Variants in LRMDA observed in about 807,000 individuals in gnomAD.
LRMDA encodes the protein leucine-rich melanocyte differentiation-associated protein.
Under a neutral mutation model 29.8 loss-of-function variants are expected in LRMDA, and 18 were observed. The ratio of observed to expected loss-of-function variants is 0.60; its 90% CI spans 0.42 to 0.90. The LOEUF is 0.90. Among genes scored for constraint, LRMDA ranks in the 40% least tolerant of loss-of-function variants. LRMDA has a pLI of 0.00. For synonymous variants in LRMDA, 125 were observed against 109.4 expected, an observed-to-expected ratio of 1.14 and a Z score of -0.89; for missense variants, 273 against 273.9, an observed-to-expected ratio of 1.00 and a Z score of 0.02.
At chr10:75,632,405 C>G (rs1443054527) in intron 2 of LRMDA, among the ~76,000 whole-genome samples, 1 of 152,138 alleles carries the variant, frequency 6.6e-6, no homozygotes, top group Non-Finnish European at 1.5e-5. Context: ...GTTGTGTTAT[C>G]TCTTTTTTCT....
intron 5 of LRMDA, among the ~76,000 whole-genome samples, chr10:76,115,338 A>G (rs947461374): frequency 6.6e-6 from 1 of 152,208 alleles, no homozygotes; most frequent in African/African-American, 2.4e-5. Flanking sequence ...TTCCCATTCA[A>G]TGCATTTTTG....
chr10:76,342,637 A>C (rs1589144090), intron 6 of LRMDA, among the ~76,000 whole-genome samples: 2 of 152,108 alleles, frequency 1.3e-5, no homozygotes, highest in East Asian at 3.9e-4. Context: ...AATAAAGAAA[A>C]TGCAAATATA....
At chr10:75,859,034 A>G (rs1388329367) in intron 2 of LRMDA, among the ~76,000 whole-genome samples, 1 of 152,262 alleles carries the variant, frequency 6.6e-6, no homozygotes, top group African/African-American at 2.4e-5. Flanking sequence ...TTTCATGTCA[A>G]TACATGTAAA....
At chr10:75,827,897 T>G (rs1844273905) in intron 2 of LRMDA, among the ~76,000 whole-genome samples, 1 of 152,236 alleles carries the variant, frequency 6.6e-6, no homozygotes, top group South Asian at 2.1e-4. Flanking sequence ...AGTGGGGCCT[T>G]AATTCCAGGA....
intron 2 of LRMDA, among the ~76,000 whole-genome samples, chr10:75,617,890 G>A (rs554898725): frequency 2.6e-5 from 4 of 152,288 alleles, no homozygotes; most frequent in South Asian, 2.1e-4. Flanking sequence ...GAGACCTGGC[G>A]CTACAGAAGA....
chr10:75,916,193 T>TGGGTGGGTGG (rs1554833958), intron 2 of LRMDA, among the ~76,000 whole-genome samples: 2 of 140,064 alleles, frequency 1.4e-5, no homozygotes, highest in East Asian at 2.1e-4. Context: ...TGTGTGTGTG[T>TGGGTGGGTGG]GTGGGTGGGT....
intron 2 of LRMDA, among the ~76,000 whole-genome samples, chr10:75,791,174 T>C (rs1461942960): frequency 7.9e-5 from 12 of 152,140 alleles, no homozygotes. Flanking sequence ...GTAGTAAAAA[T>C]CATACCGTCC....
At chr10:76,110,053 C>T (rs1849552109) in intron 5 of LRMDA, among the ~76,000 whole-genome samples, 2 of 152,148 alleles carry the variant, frequency 1.3e-5, no homozygotes, top group South Asian at 4.1e-4. Flanking sequence ...GGGATGTGTC[C>T]TCTGACCACC....
intron 2 of LRMDA, among the ~76,000 whole-genome samples, chr10:75,474,305 A>G (rs538222492): frequency 1.5e-4 from 23 of 152,312 alleles, no homozygotes; most frequent in Middle Eastern, 3.4e-3. Flanking sequence ...ACAAAATACC[A>G]TGGACTGGCT....
chr10:75,496,164 C>T (rs1000902453), intron 2 of LRMDA, among the ~76,000 whole-genome samples: 8 of 152,178 alleles, frequency 5.3e-5, no homozygotes, highest in African/African-American at 1.7e-4. Flanking sequence ...GAGTTTTAAA[C>T]AGAGATCTAG....
chr10:76,107,886 A>G (rs1286588204), intron 5 of LRMDA, among the ~76,000 whole-genome samples: 1 of 152,226 alleles, frequency 6.6e-6, no homozygotes, highest in African/African-American at 2.4e-5. Context: ...TTCAACCAGC[A>G]TTCAAGACCA....
At chr10:75,747,775 TTCCCAGGCTGAGTGTGTAG>T (rs1385885538) in intron 2 of LRMDA, among the ~76,000 whole-genome samples, 3 of 152,184 alleles carry the variant, frequency 2.0e-5, no homozygotes, top group Non-Finnish European at 4.4e-5. Context: ...TCAAGTAGCT[TTCCCAGGCTGAGTGTGTAG>T]ATGGTAGGTT....
chr10:75,483,269 C>T (rs1844873026), intron 2 of LRMDA, among the ~76,000 whole-genome samples: 1 of 152,136 alleles, frequency 6.6e-6, no homozygotes. Flanking sequence ...ATATAGATTG[C>T]TGTGTATGAC....
intron 2 of LRMDA, among the ~76,000 whole-genome samples, chr10:75,681,678 G>A (rs181867255): frequency 1.3e-5 from 2 of 152,310 alleles, no homozygotes; most frequent in Admixed American, 6.5e-5. Flanking sequence ...ATTACACAGC[G>A]AAATTTCGTT....
chr10:75,718,410 G>A (rs1007596930), intron 2 of LRMDA, among the ~76,000 whole-genome samples: 2 of 152,206 alleles, frequency 1.3e-5, no homozygotes, highest in African/African-American at 2.4e-5. Context: ...GACTCAGCCA[G>A]CCCATTGTCA....
intron 6 of LRMDA, among the ~76,000 whole-genome samples, chr10:76,509,807 G>C (rs1483743536): frequency 6.6e-6 from 1 of 152,134 alleles, no homozygotes; most frequent in Admixed American, 6.5e-5. Context: ...GCGCAGGGCA[G>C]GCAAGCTTAA....
At chr10:76,374,574 CA>C (rs909736574) in intron 6 of LRMDA, among the ~76,000 whole-genome samples, 27 of 152,152 alleles carry the variant, frequency 1.8e-4, no homozygotes, top group African/African-American at 6.0e-4. Context: ...AAGAAGACAC[CA>C]ACGCTCAGTT....
At chr10:75,737,313 G>C (rs889747132) in intron 2 of LRMDA, among the ~76,000 whole-genome samples, 10 of 152,236 alleles carry the variant, frequency 6.6e-5, no homozygotes, top group Admixed American at 2.0e-4. Flanking sequence ...GATGTGCTCA[G>C]CAATGAGAAA....
intron 2 of LRMDA, among the ~76,000 whole-genome samples, chr10:75,898,914 G>T (rs1048194360): frequency 2.6e-5 from 4 of 152,120 alleles, no homozygotes; most frequent in Non-Finnish European, 5.9e-5. Context: ...TAATATAGGT[G>T]ACCAGATTTG....
Sources: allele counts gnomAD v4.1 joint callset (sites outside exome capture counted in the v4.1 genomes callset), GRCh38; gene constraint gnomAD v4.1.1; transcripts MANE v1.5; gene names NCBI Gene and HGNC (gene_info 2026-07-23, HGNC 2026-07-21).